TENM4: variants seen among roughly 807,000 people sequenced by gnomAD.
TENM4 encodes the protein teneurin transmembrane protein 4.
TENM4 carries 82 observed loss-of-function variants against 243.3 expected under a neutral mutation model. That is an observed-to-expected ratio of 0.34 (90% CI 0.28 to 0.40). The LOEUF (loss-of-function observed/expected upper bound fraction) is 0.40. Among genes scored for constraint, TENM4 ranks in the 10% least tolerant of loss-of-function variants. TENM4 has a pLI of 1.00. For synonymous variants in TENM4, 1,412 were observed against 1,456.3 expected (o/e 0.97, Z 0.69); for missense variants, 3,138 against 3,673.3 (o/e 0.85, Z 3.77).
intron 1 of TENM4, among the ~76,000 whole-genome samples, chr11:79,301,370 G>T (rs1308918511): frequency 6.6e-6 from 1 of 152,134 alleles, no homozygotes; most frequent in Non-Finnish European, 1.5e-5. Context: ...CGAATATCAA[G>T]ACCCTGGGTG....
chr11:79,135,104 G>T (rs1182850078), intron 4 of TENM4, among the ~76,000 whole-genome samples: 1 of 152,116 alleles, frequency 6.6e-6, no homozygotes, highest in East Asian at 1.9e-4. Context: ...ACCTGACAAA[G>T]GACTAATATC....
At chr11:79,056,414 C>T (rs987041597) in intron 6 of TENM4, among the ~76,000 whole-genome samples, 2 of 151,846 alleles carry the variant, frequency 1.3e-5, no homozygotes, top group Admixed American at 6.6e-5. Flanking sequence ...CAGCAGGAAG[C>T]GGTTATGGGG....
chr11:78,751,796 G>A (rs897117920), intron 19 of TENM4, among the ~76,000 whole-genome samples: 15 of 152,120 alleles, frequency 9.9e-5, no homozygotes, highest in Admixed American at 7.9e-4. Flanking sequence ...CCCTTTCCCA[G>A]CTCTCTGATC....
Position 78,873,192 on chromosome 11 carries a change from G to A in TENM4, c.1085-10060C>T, listed in dbSNP as rs551727547. 1.5e-3 allele frequency among the ~76,000 whole-genome samples: 232 copies of A among 152,214 alleles called. 2 individuals carry two copies. Among genetic ancestry groups the A allele is most frequent in the African/African-American group, 5.4e-3 (224 of 41,528 alleles). On this transcript the variant is annotated intron_variant, in intron 9 of 33. Transcript: ENST00000278550. ...TGCCTTTATCTGTGCACGGAGCAAG[G>A]CACTCATATGTGAGTTACCTCTGCT...
chr11:79,314,259 T>C (rs1856768646), intron 1 of TENM4, among the ~76,000 whole-genome samples: 1 of 152,224 alleles, frequency 6.6e-6, no homozygotes, highest in African/African-American at 2.4e-5. Flanking sequence ...AGGCAATGGA[T>C]ACTAATCACT....
intron 6 of TENM4, among the ~76,000 whole-genome samples, chr11:79,037,670 T>C (rs1859422216): frequency 6.6e-6 from 1 of 152,144 alleles, no homozygotes; most frequent in Admixed American, 6.5e-5. Context: ...AAGAGACTTT[T>C]CTCCATGATT....
chr11:79,331,568 A>G (rs1185205122), intron 1 of TENM4, among the ~76,000 whole-genome samples: 2 of 152,186 alleles, frequency 1.3e-5, no homozygotes, highest in Non-Finnish European at 2.9e-5. Flanking sequence ...CATCTACCGG[A>G]TACAGTGTCC....
intron 21 of TENM4, 62 bp downstream of exon 21, chr11:78,732,254 T>A (rs1021836323): frequency 1.9e-5 from 29 of 1,532,526 alleles, no homozygotes; most frequent in Non-Finnish European, 2.4e-5. Flanking sequence ...GTCTCTGAGA[T>A]CCTCCTCCAC....
chr11:78,930,969 G>A (rs373627913), intron 6 of TENM4, among the ~76,000 whole-genome samples: 22 of 152,204 alleles, frequency 1.4e-4, no homozygotes, highest in East Asian at 5.8e-4. Flanking sequence ...TCATTTTGCT[G>A]TGTAGCCAAG....
chr11:79,398,527 C>A (rs1590937543), intron 1 of TENM4, among the ~76,000 whole-genome samples: 2 of 152,038 alleles, frequency 1.3e-5, no homozygotes, highest in African/African-American at 4.8e-5. Flanking sequence ...CTCCTCTTCA[C>A]TGAGTGCGGA....
intron 6 of TENM4, among the ~76,000 whole-genome samples, chr11:79,029,396 T>C (rs1859168152): frequency 6.6e-6 from 1 of 152,190 alleles, no homozygotes; most frequent in Non-Finnish European, 1.5e-5. Flanking sequence ...AGTTAGCAAA[T>C]TTGTTTTTCC....
chr11:79,342,021 G>A (rs1249959192), intron 1 of TENM4, among the ~76,000 whole-genome samples: 1 of 152,214 alleles, frequency 6.6e-6, no homozygotes, highest in Non-Finnish European at 1.5e-5. Flanking sequence ...GGTGCAATGT[G>A]AATGCTGCTC....
intron 9 of TENM4, among the ~76,000 whole-genome samples, chr11:78,887,727 A>G (rs573137211): frequency 6.6e-6 from 1 of 152,352 alleles, no homozygotes; most frequent in African/African-American, 2.4e-5. Context: ...CTATCTTTAA[A>G]TAGCTGAAGA....
chr11:79,043,766 G>A (rs913099130), intron 6 of TENM4, among the ~76,000 whole-genome samples: 7 of 152,086 alleles, frequency 4.6e-5, no homozygotes, highest in East Asian at 1.9e-4. Context: ...CATGAGATCC[G>A]GAGTCAAAAG....
intron 4 of TENM4, among the ~76,000 whole-genome samples, chr11:79,094,250 C>G (rs1861026447): frequency 6.6e-6 from 1 of 152,194 alleles, no homozygotes; most frequent in Non-Finnish European, 1.5e-5. Flanking sequence ...GAGAACACTT[C>G]CTGAGTGCCT....
intron 1 of TENM4, among the ~76,000 whole-genome samples, chr11:79,405,820 C>A (rs1858554808): frequency 7.9e-6 from 1 of 126,056 alleles, no homozygotes; most frequent in African/African-American, 3.0e-5. Flanking sequence ...TTTTGTCCAT[C>A]TAATTTCTCT....
At chr11:78,818,641 G>A (rs1009118623) in intron 12 of TENM4, among the ~76,000 whole-genome samples, 5 of 152,208 alleles carry the variant, frequency 3.3e-5, no homozygotes, top group African/African-American at 1.2e-4. Context: ...AGTCTCCACT[G>A]ACCAGGTATC....
intron 30 of TENM4, among the ~76,000 whole-genome samples, chr11:78,675,256 G>T (rs141490837): frequency 0.024 from 3,730 of 152,298 alleles, 95 homozygotes; most frequent in Admixed American, 0.056. Flanking sequence ...GTGTAAAAGA[G>T]GGGCTTCAGT....
chr11:78,843,096 T>C (rs1413745674), intron 12 of TENM4, among the ~76,000 whole-genome samples: 2 of 152,046 alleles, frequency 1.3e-5, no homozygotes, highest in African/African-American at 2.4e-5. Flanking sequence ...CTGGCCAACA[T>C]GGTAAAATCC....
Sources: gnomAD v4.1 joint callset for allele counts (sites outside exome capture counted in the v4.1 genomes callset) on GRCh38, gnomAD v4.1.1 for gene constraint, MANE v1.5 for transcripts, NCBI Gene and HGNC (gene_info 2026-07-23, HGNC 2026-07-21) for gene names.